VWA5B1: variants seen among roughly 807,000 people sequenced by gnomAD.
VWA5B1 encodes von Willebrand factor A domain-containing protein 5B1.
VWA5B1 carries 115 observed loss-of-function variants against 118.2 expected under a neutral mutation model. The observed-to-expected ratio is 0.97, with a 90% CI of 0.84 to 1.14. The LOEUF (loss-of-function observed/expected upper bound fraction) is 1.14, where lower values mean the gene tolerates loss of function less well. Among genes scored for constraint, VWA5B1 ranks in the 50% most tolerant of loss-of-function variants. The pLI, the probability that VWA5B1 is intolerant of heterozygous loss-of-function variation, is 0.00. For missense variants in VWA5B1, 1,596 were observed against 1,603.8 expected, an observed-to-expected ratio of 1.00 and a Z score of 0.08; for synonymous variants, 682 against 658.4, an observed-to-expected ratio of 1.04 and a Z score of -0.55.
Position 20,354,550 on chromosome 1 carries a change from T to C in VWA5B1, c.*287T>C, listed in dbSNP as rs2090195737. 2 of 429,762 alleles carry C rather than the reference T, an allele frequency of 4.7e-6. No homozygotes were observed. The highest frequency in any genetic ancestry group is 8.4e-6 in the Non-Finnish European group (2 of 237,452). The allele number at this position is 429,762 out of a possible 1,614,324, so 26.6% of individuals were successfully genotyped here. On this transcript the variant is annotated 3_prime_UTR_variant, in exon 22 of 22. Coordinates refer to ENST00000289815, the MANE Select transcript of VWA5B1 (RefSeq NM_001039500.3). ...AGTGGATCTCAAATGGTTCAGTGGT[T>C]CCTTTCTGCCCATTCAGGCAGTCCC...
chr1:20,349,731 C>CTTTT (rs35309990), intron 18 of VWA5B1, among the ~76,000 whole-genome samples: 38 of 111,774 alleles, frequency 3.4e-4, no homozygotes, highest in African/African-American at 7.5e-4. Flanking sequence ...ACATTCCTGA[C>CTTTT]TTTTTTTTTT....
chr1:20,352,314 G>A (rs967278696), intron 21 of VWA5B1, 142 bp downstream of exon 21: 37 of 662,414 alleles, frequency 5.6e-5, no homozygotes, highest in Non-Finnish European at 8.5e-5. Context: ...GAGTTTTGAG[G>A]TTTCCTAGAG....
In VWA5B1 at chr1:20,313,083, G is replaced by A. The variant is rs576650802; in HGVS notation, c.292+95G>A. On this transcript the variant is annotated intron_variant, in intron 3 of 21. Coordinates refer to ENST00000289815, the MANE Select transcript of VWA5B1 (RefSeq NM_001039500.3). ...CAGGCCAACTGCAAGGATAGCAGTG[G>A]GATATGAGGCAGAAAGAGCACTGAA... is the stretch of plus-strand genomic sequence containing the variant. 5 of 1,458,128 alleles carry A rather than the reference G, an allele frequency of 3.4e-6. No individual in the cohort carries two copies. In the African/African-American group the frequency reaches 7.0e-5, roughly 21 times the overall value. 90.3% of individuals were successfully genotyped at this position (1,458,128 alleles called of 1,614,324 possible).
At position 20,330,946 on chromosome 1, in the gene VWA5B1, C is replaced by T. The variant is rs1570159279; in HGVS notation, c.1535C>T (p.Ala512Val). The change falls in exon 11 of 22, where the codon GCT becomes GTT. Residue 512 changes from alanine (A) to valine (V), a missense_variant. Physicochemically the swap from Ala to Val is moderately conservative, Grantham distance 64 (BLOSUM62 0). Coordinates refer to ENST00000289815, the MANE Select transcript of VWA5B1 (RefSeq NM_001039500.3). ...KGLASVSEGS[A>V]ELLMEGERLQ... Reference sequence around the variant, plus strand: ...CTGGCATCTGTGTCCGAGGGCAGTGCTGAGCTCCTGATGGAGGGGGAGCGG... The same window carrying T: ...CTGGCATCTGTGTCCGAGGGCAGTGTTGAGCTCCTGATGGAGGGGGAGCGG... 2 of 1,551,318 alleles carry T rather than the reference C, an allele frequency of 1.3e-6. No homozygotes were observed. The highest frequency in any genetic ancestry group is 2.4e-5 in the East Asian group (1 of 40,932).
rs1472862809 is a variant in VWA5B1, at chr1:20,354,965, A to G, written c.*702A>G. ...CATTAGTGGCTCCCTCACTAAGAAG[A>G]GGTGGTGGCAGGACCAGGGGAGACA... is the stretch of plus-strand genomic sequence containing the variant. On this transcript the variant is annotated 3_prime_UTR_variant, in exon 22 of 22. Coordinates refer to ENST00000289815, the MANE Select transcript of VWA5B1 (RefSeq NM_001039500.3). 6.6e-6 allele frequency: 1 copy of G among 152,216 alleles called. No individual in the cohort carries two copies. Among genetic ancestry groups the G allele is most frequent in the Non-Finnish European group, 1.5e-5 (1 of 68,052 alleles). 9.4% of individuals were successfully genotyped at this position (152,216 alleles called of 1,614,324 possible).
At chr1:20,302,551 A>T (rs2088529336) in intron 1 of VWA5B1, among the ~76,000 whole-genome samples, 2 of 152,168 alleles carry the variant, frequency 1.3e-5, no homozygotes, top group African/African-American at 4.8e-5. Flanking sequence ...ACAAGACACA[A>T]GGCCTGAGGG....
intron 14 of VWA5B1, among the ~76,000 whole-genome samples, chr1:20,339,405 G>C (rs1035442235): frequency 6.6e-6 from 1 of 152,110 alleles, no homozygotes; most frequent in Admixed American, 6.6e-5. Flanking sequence ...AGCCGGGTGT[G>C]GTGGCACATG....
rs16823917 is a variant in VWA5B1, at chr1:20,357,783, A to G, written c.*3520A>G. ...GTGGGTGTGGCCTCGTATTAGCACTACCTAGGTACCCTTTGCGCTAACGGC... is the reference window on the plus strand; with the variant it reads ...GTGGGTGTGGCCTCGTATTAGCACTGCCTAGGTACCCTTTGCGCTAACGGC... On this transcript the variant is annotated 3_prime_UTR_variant, in exon 22 of 22. Transcript: ENST00000289815. Among the ~76,000 whole-genome samples, 2,664 of 152,210 alleles carry G rather than the reference A, an allele frequency of 0.018. 79 individuals are homozygous for G. Among genetic ancestry groups the G allele is most frequent in the African/African-American group, 0.059 (2,449 of 41,488 alleles).
intron 13 of VWA5B1, among the ~76,000 whole-genome samples, chr1:20,336,896 C>T (rs574051520): frequency 2.0e-5 from 3 of 152,242 alleles, no homozygotes; most frequent in Admixed American, 2.0e-4. Context: ...GACAGGGTGC[C>T]AGGGACCCCT....
chr1:20,357,678 C>G lies in VWA5B1; in HGVS notation c.*3415C>G, dbSNP rs1357426252. Among the ~76,000 whole-genome samples, 2 of 152,164 alleles carry G rather than the reference C, an allele frequency of 1.3e-5. No individual in the cohort carries two copies. The highest frequency in any genetic ancestry group is 2.9e-5 in the Non-Finnish European group (2 of 68,024). On this transcript the variant is annotated 3_prime_UTR_variant, in exon 22 of 22. Coordinates refer to ENST00000289815, the MANE Select transcript of VWA5B1 (RefSeq NM_001039500.3). ...TTGGCAAGGAGCATTTGAAGAGTCT[C>G]TGTTTCATGAATCATTTTCCCACTC...
intron 1 of VWA5B1, among the ~76,000 whole-genome samples, chr1:20,308,377 G>A (rs1393603115): frequency 6.6e-6 from 1 of 152,216 alleles, no homozygotes. Context: ...CCCCAAGGTG[G>A]ACTGGAGCTG....
chr1:20,341,079 A>G (rs1174437927), intron 14 of VWA5B1, among the ~76,000 whole-genome samples: 9 of 152,226 alleles, frequency 5.9e-5, no homozygotes, highest in Admixed American at 5.9e-4. Context: ...CTTTTTTAAA[A>G]TAAGTTTTAT....
Position 20,336,406 on chromosome 1 carries a change from C to T in VWA5B1, c.1862C>T (p.Ala621Val). The change falls in exon 13 of 22, where the codon GCC becomes GTC. Residue 621 changes from alanine to valine, a missense_variant. Coordinates refer to ENST00000289815, the MANE Select transcript of VWA5B1 (RefSeq NM_001039500.3). ...CCCGGGCTGGAAGGTGGAGACTGTG[C>T]CAAGAACTCGGGGGCACCCTTCATC... is the stretch of plus-strand genomic sequence containing the variant. ...DGPGLEGGDC[A>V]KNSGAPFILG... is the part of the protein sequence containing the mutation. The T allele has an allele frequency of 1.3e-6, 2 of 1,527,338 alleles. No individual in the cohort carries two copies. Among genetic ancestry groups the T allele is most frequent in the Non-Finnish European group, 1.8e-6 (2 of 1,134,604 alleles). 94.6% of individuals were successfully genotyped at this position (1,527,338 alleles called of 1,614,324 possible).
At chr1:20,336,084 A>C (rs2089707773) in intron 12 of VWA5B1, among the ~76,000 whole-genome samples, 1 of 152,242 alleles carries the variant, frequency 6.6e-6, no homozygotes, top group South Asian at 2.1e-4. Flanking sequence ...CAATAATTAA[A>C]AACATAAACA....
At chr1:20,292,254 C>G (rs74057845) in intron 1 of VWA5B1, among the ~76,000 whole-genome samples, 2,764 of 151,742 alleles carry the variant, frequency 0.018, 78 homozygotes, top group African/African-American at 0.064. Flanking sequence ...AGGCGCAGCC[C>G]CTTCCCTGGG....
chr1:20,297,892 C>T (rs1283552782), intron 1 of VWA5B1, among the ~76,000 whole-genome samples: 1 of 150,720 alleles, frequency 6.6e-6, no homozygotes, highest in Non-Finnish European at 1.5e-5. Flanking sequence ...TGCTCCTATT[C>T]ATAGAGCCCT....
At chr1:20,326,231 G>A (rs1052659653) in intron 8 of VWA5B1, among the ~76,000 whole-genome samples, 7 of 152,294 alleles carry the variant, frequency 4.6e-5, no homozygotes, top group African/African-American at 1.7e-4. Context: ...TGGGATTGGG[G>A]TGTGAGTATG....
At position 20,357,690 on chromosome 1, in the gene VWA5B1, T is replaced by A. The variant is rs1197437698; in HGVS notation, c.*3427T>A. The stretch of plus-strand genomic sequence containing the variant: ...ATTTGAAGAGTCTCTGTTTCATGAA[T>A]CATTTTCCCACTCCTTGGTTCTCTA... On this transcript the variant is annotated 3_prime_UTR_variant, in exon 22 of 22. Transcript: ENST00000289815. 1.3e-5 allele frequency among the ~76,000 whole-genome samples: 2 copies of A among 152,196 alleles called. No individual in the cohort carries two copies. Among genetic ancestry groups the A allele is most frequent in the Non-Finnish European group, 2.9e-5 (2 of 68,038 alleles).
At chr1:20,321,272 G>A (rs181076114) in intron 7 of VWA5B1, among the ~76,000 whole-genome samples, 2 of 152,252 alleles carry the variant, frequency 1.3e-5, no homozygotes, top group African/African-American at 4.8e-5. Flanking sequence ...CTTATATTCT[G>A]GGATGGAAAG....
Sources: gnomAD v4.1 joint callset for allele counts (sites outside exome capture counted in the v4.1 genomes callset) on GRCh38, gnomAD v4.1.1 for gene constraint, MANE v1.5 for transcripts, NCBI Gene and HGNC (gene_info 2026-07-23, HGNC 2026-07-21) for gene names.